The following MRE11 variants were observed in gnomAD, a reference collection of about 807,000 sequenced individuals.
MRE11 encodes the protein double-strand break repair protein MRE11.
A neutral mutation model predicts 91.7 loss-of-function variants in MRE11; 62 were observed. That is an observed-to-expected ratio of 0.68 (90% CI 0.55 to 0.84). The LOEUF (loss-of-function observed/expected upper bound fraction) is 0.84, where lower values mean the gene tolerates loss of function less well. Ranked by LOEUF, MRE11 falls within the 40% of genes least tolerant of loss-of-function variation. MRE11 has a pLI of 0.00. For synonymous variants in MRE11, 273 were observed against 271.4 expected (o/e 1.01, Z -0.06); for missense variants, 796 against 852.9 (o/e 0.93, Z 0.83).
the MRE11 span, among the ~76,000 whole-genome samples, chr11:94,501,112 C>A: frequency 6.6e-6 from 1 of 152,148 alleles, no homozygotes; most frequent in Non-Finnish European, 1.5e-5. Context: ...ATATGAAATG[C>A]TTTCTCTAAA....
chr11:94,475,330 G>A (rs1946822622), intron 7 of MRE11: 1 of 248,122 alleles, frequency 4.0e-6, no homozygotes, highest in South Asian at 5.2e-5. Flanking sequence ...TACATAGGAG[G>A]ATATATGTAG....
At chr11:94,435,800 A>G in intron 18 of MRE11, 32 bp downstream of exon 18, 1 of 1,578,128 alleles carries the variant, frequency 6.3e-7, no homozygotes, top group Middle Eastern at 1.7e-4. Flanking sequence ...TTTTTTTCAG[A>G]TGTTTCTTTT....
At chr11:94,477,757 T>C (rs1946903104) in intron 6 of MRE11, among the ~76,000 whole-genome samples, 1 of 152,066 alleles carries the variant, frequency 6.6e-6, no homozygotes, top group African/African-American at 2.4e-5. Context: ...GTAAAAAGTC[T>C]GAGAGAAAAA....
intron 4 of MRE11, 134 bp from the exon 5 acceptor site, chr11:94,479,895 C>T (rs999643732): frequency 2.1e-5 from 14 of 675,532 alleles, no homozygotes; most frequent in Non-Finnish European, 3.6e-5. Context: ...TAGTTTAGAG[C>T]TTTAAAAAAT....
At chr11:94,430,843 A>G (rs1047081282) in intron 18 of MRE11, among the ~76,000 whole-genome samples, 1 of 152,224 alleles carries the variant, frequency 6.6e-6, no homozygotes, top group African/African-American at 2.4e-5. Flanking sequence ...AAGTCACTTT[A>G]GATCGGGGCC....
intron 18 of MRE11, among the ~76,000 whole-genome samples, chr11:94,430,829 ATTTAAGTCAC>A (rs1945445329): frequency 6.6e-6 from 1 of 152,200 alleles, no homozygotes. Flanking sequence ...TTAATAAGAA[ATTTAAGTCAC>A]TTTAGATCGG....
intron 19 of MRE11, among the ~76,000 whole-genome samples, 162 bp from the exon 20 acceptor site, chr11:94,420,343 A>C (rs1945137665): frequency 6.6e-6 from 1 of 152,240 alleles, no homozygotes; most frequent in South Asian, 2.1e-4. Flanking sequence ...AAGTACAATT[A>C]AATTCTTAAT....
chr11:94,448,474 G>A (rs921010615), intron 14 of MRE11, among the ~76,000 whole-genome samples: 8 of 151,928 alleles, frequency 5.3e-5, no homozygotes, highest in Non-Finnish European at 1.0e-4. Context: ...GCATGCACCT[G>A]TAGTCCCAGC....
chr11:94,473,891 T>C (rs1295222964), intron 7 of MRE11, among the ~76,000 whole-genome samples: 2 of 152,140 alleles, frequency 1.3e-5, no homozygotes, highest in Admixed American at 6.6e-5. Context: ...ATATTTATAA[T>C]ATGATCCAGG....
intron 16 of MRE11, among the ~76,000 whole-genome samples, chr11:94,441,269 T>C (rs1945772478): frequency 6.6e-6 from 1 of 152,218 alleles, no homozygotes; most frequent in African/African-American, 2.4e-5. Flanking sequence ...AATTGGACTT[T>C]GCAAGCAGCA....
At chr11:94,422,302 T>C (rs926343893) in intron 19 of MRE11, among the ~76,000 whole-genome samples, 11 of 152,014 alleles carry the variant, frequency 7.2e-5, no homozygotes, top group Non-Finnish European at 1.6e-4. Flanking sequence ...GGTGGGGAGA[T>C]TTCATGGTTG....
At chr11:94,508,235 C>T in the MRE11 span, among the ~76,000 whole-genome samples, 3 of 152,328 alleles carry the variant, frequency 2.0e-5, no homozygotes, top group African/African-American at 7.2e-5. Flanking sequence ...GCATGAGCTA[C>T]AGCATCTGGC....
chr11:94,429,870 A>C, intron 19 of MRE11, 41 bp downstream of exon 19: 1 of 1,510,962 alleles, frequency 6.6e-7, no homozygotes, highest in Non-Finnish European at 9.0e-7. Flanking sequence ...AATTTTATAA[A>C]GTTAAAAATT....
intron 14 of MRE11, among the ~76,000 whole-genome samples, chr11:94,451,297 C>T (rs553083058): frequency 1.9e-4 from 29 of 152,130 alleles, no homozygotes; most frequent in Non-Finnish European, 3.4e-4. Context: ...GGGAAAAAAA[C>T]AGGTTCAACA....
At position 94,416,060 on chromosome 11, in the gene MRE11, T is replaced by G. The variant is rs1405827655; in HGVS notation, c.*4065A>C. On this transcript the variant is annotated 3_prime_UTR_variant, in exon 20 of 20. Coordinates refer to ENST00000323929, the MANE Select transcript of MRE11 (RefSeq NM_005591.4). Reference sequence around the variant, plus strand: ...TCCTGACCTCAGGTGATCCGCCTGCTTTGGCCTCCCAAAGTGCTAGGATCA... The same window carrying G: ...TCCTGACCTCAGGTGATCCGCCTGCGTTGGCCTCCCAAAGTGCTAGGATCA... 1 of 152,210 alleles carries G rather than the reference T, an allele frequency of 6.6e-6. No individual in the cohort carries two copies. Among genetic ancestry groups the G allele is most frequent in the Non-Finnish European group, 1.5e-5 (1 of 68,054 alleles). 9.4% of individuals were successfully genotyped at this position (152,210 alleles called of 1,614,324 possible).
chr11:94,430,185 C>G (rs1945426742), intron 18 of MRE11, among the ~76,000 whole-genome samples, 199 bp from the exon 19 acceptor site: 1 of 152,144 alleles, frequency 6.6e-6, no homozygotes, highest in African/African-American at 2.4e-5. Flanking sequence ...TGGTTTTGCC[C>G]TTTACTACCT....
At chr11:94,507,189 A>G in the MRE11 span, among the ~76,000 whole-genome samples, 56 of 152,264 alleles carry the variant, frequency 3.7e-4, 1 homozygote, top group African/African-American at 1.3e-3. Context: ...TTTTATTTCC[A>G]TCATTTAGTT....
rs1591719208 is a variant in MRE11, at chr11:94,486,018, T to TATGTA, written c.215_219dup (p.Thr74TyrfsTer8). ...TATTTTCTTAATAACTCGAGGCAGG[T>TATGTA]ATGTAATGTTTTCCTTGAGGGCTTA... On this transcript the variant is annotated frameshift_variant, in exon 4 of 20. Transcript: ENST00000323929. LOFTEE classifies it high-confidence loss of function. 6.2e-7 allele frequency: 1 copy of TATGTA among 1,613,858 alleles called. No individual in the cohort carries two copies. Among genetic ancestry groups the TATGTA allele is most frequent in the Non-Finnish European group, 8.5e-7 (1 of 1,179,900 alleles).
intron 14 of MRE11, among the ~76,000 whole-genome samples, chr11:94,455,306 CACAA>C (rs1946220733): frequency 6.6e-6 from 1 of 152,088 alleles, no homozygotes; most frequent in Admixed American, 6.5e-5. Context: ...ATCTTCCTTA[CACAA>C]ATGTCTCTTA....
Sources: allele counts gnomAD v4.1 joint callset (sites outside exome capture counted in the v4.1 genomes callset), GRCh38; gene constraint gnomAD v4.1.1; transcripts MANE v1.5; gene names NCBI Gene and HGNC (gene_info 2026-07-23, HGNC 2026-07-21).